CPAP: variants seen among roughly 807,000 people sequenced by gnomAD.
The protein encoded by CPAP is centrosome assembly and centriole elongation protein.
the CPAP span, among the ~76,000 whole-genome samples, chr13:24,896,182 C>G: frequency 6.6e-6 from 1 of 152,180 alleles, no homozygotes; most frequent in East Asian, 1.9e-4. Context: ...ATAATGAATA[C>G]CCAGGGTTAC....
the CPAP span, chr13:24,933,082 C>T: frequency 1.9e-6 from 3 of 1,590,488 alleles, no homozygotes; most frequent in South Asian, 3.3e-5. Flanking sequence ...GAAAAAGCTA[C>T]AAACTGACAT....
chr13:24,919,241 C>T, the CPAP span, among the ~76,000 whole-genome samples: 1 of 152,088 alleles, frequency 6.6e-6, no homozygotes, highest in African/African-American at 2.4e-5. Flanking sequence ...CTTCTATTAC[C>T]ATCCAGGTTC....
At chr13:24,882,376 G>A in the CPAP span, 4 of 151,918 alleles carry the variant, frequency 2.6e-5, no homozygotes, top group South Asian at 6.2e-4. Context: ...GACAGGTAAG[G>A]TCTATCTAGA....
At chr13:24,914,069 A>T in the CPAP span, among the ~76,000 whole-genome samples, 2 of 152,196 alleles carry the variant, frequency 1.3e-5, no homozygotes, top group African/African-American at 4.8e-5. Context: ...CACACACATT[A>T]TACAGTATGT....
chr13:24,929,580 TATA>T, the CPAP span, among the ~76,000 whole-genome samples: 3 of 152,252 alleles, frequency 2.0e-5, no homozygotes, highest in Non-Finnish European at 2.9e-5. Context: ...TTGATTATAA[TATA>T]ATGCTATTGT....
At chr13:24,884,148 A>C in the CPAP span, 2 of 1,613,912 alleles carry the variant, frequency 1.2e-6, no homozygotes, top group African/African-American at 1.3e-5. Flanking sequence ...GAGAGGGTGG[A>C]GCAAGTTTGT....
the CPAP span, among the ~76,000 whole-genome samples, chr13:24,913,750 T>G: frequency 6.6e-6 from 1 of 152,266 alleles, no homozygotes. Flanking sequence ...CCAAGCACCA[T>G]GTCTGGCAGG....
the CPAP span, among the ~76,000 whole-genome samples, chr13:24,886,567 G>A: frequency 8.0e-4 from 122 of 152,300 alleles, no homozygotes; most frequent in South Asian, 2.7e-3. Context: ...AAAGTACTGG[G>A]AGTACACAGG....
chr13:24,925,578 C>A, the CPAP span, among the ~76,000 whole-genome samples: 1 of 152,066 alleles, frequency 6.6e-6, no homozygotes, highest in Non-Finnish European at 1.5e-5. Context: ...ACAGCCAGGG[C>A]AACAGAGTGA....
chr13:24,911,122 G>A, the CPAP span, among the ~76,000 whole-genome samples: 364 of 151,958 alleles, frequency 2.4e-3, no homozygotes, highest in African/African-American at 7.5e-3. Flanking sequence ...TTTTATTATC[G>A]GATGTAGCAT....
the CPAP span, among the ~76,000 whole-genome samples, chr13:24,918,252 G>A: frequency 6.6e-6 from 1 of 152,044 alleles, no homozygotes; most frequent in Non-Finnish European, 1.5e-5. Flanking sequence ...ACATCAAATG[G>A]CAACCACAAT....
At chr13:24,893,427 C>CCT in the CPAP span, among the ~76,000 whole-genome samples, 2 of 152,210 alleles carry the variant, frequency 1.3e-5, no homozygotes, top group Non-Finnish European at 2.9e-5. Flanking sequence ...TAGCGACTGA[C>CCT]CTAGAGTCGA....
At chr13:24,903,893 A>AT in the CPAP span, 1 of 1,610,806 alleles carries the variant, frequency 6.2e-7, no homozygotes, top group Non-Finnish European at 8.5e-7. Flanking sequence ...GAGTCACTGC[A>AT]TATTTTTTCC....
At chr13:24,892,898 C>T in the CPAP span, 3 of 1,399,354 alleles carry the variant, frequency 2.1e-6, no homozygotes, top group Non-Finnish European at 1.0e-6. Flanking sequence ...AAAGAAAAAA[C>T]CATTACTACA....
the CPAP span, chr13:24,905,823 C>G: frequency 1.9e-6 from 3 of 1,614,126 alleles, no homozygotes; most frequent in South Asian, 3.3e-5. Context: ...TTAAAAGGCC[C>G]CTTATCATCA....
At chr13:24,908,160 A>G in the CPAP span, 1 of 1,443,892 alleles carries the variant, frequency 6.9e-7, no homozygotes, top group Non-Finnish European at 9.7e-7. Flanking sequence ...TTAGCTCAAG[A>G]AAAGCATATT....
At chr13:24,930,077 A>C in the CPAP span, among the ~76,000 whole-genome samples, 1 of 151,268 alleles carries the variant, frequency 6.6e-6, no homozygotes, top group African/African-American at 2.4e-5. Context: ...TGCCCAGTTA[A>C]TTTTTTAATT....
chr13:24,901,877 C>T, the CPAP span, among the ~76,000 whole-genome samples: 1 of 151,886 alleles, frequency 6.6e-6, no homozygotes, highest in Non-Finnish European at 1.5e-5. Context: ...CTGTAGTCCC[C>T]GCTACGCAGG....
At chr13:24,892,552 C>T in the CPAP span, 1 of 1,003,120 alleles carries the variant, frequency 1.0e-6, no homozygotes. Context: ...CCCCTGGCAG[C>T]TCCCATTCTA....
Sources: allele counts gnomAD v4.1 joint callset (sites outside exome capture counted in the v4.1 genomes callset), GRCh38; gene constraint gnomAD v4.1.1; transcripts MANE v1.5; gene names NCBI Gene and HGNC (gene_info 2026-07-23, HGNC 2026-07-21).